PLSCR2: variants seen among roughly 807,000 people sequenced by gnomAD.
PLSCR2 encodes the protein phospholipid scramblase 2, also known as PL scramblase 2.
Under a neutral mutation model 25.3 loss-of-function variants are expected in PLSCR2, and 18 were observed. That is an observed-to-expected ratio of 0.71 (90% CI 0.49 to 1.06). The LOEUF is 1.06. Among genes scored for constraint, PLSCR2 ranks in the 50% least tolerant of loss-of-function variants. The pLI is 0.00. For synonymous variants in PLSCR2, 88 were observed against 87.3 expected (o/e 1.01, Z -0.04); for missense variants, 243 against 269.5 (o/e 0.90, Z 0.69).
At chr3:146,429,293 G>A (rs114879678), downstream of PLSCR2, among the ~76,000 whole-genome samples, 1,026 of 152,302 alleles carry the variant, frequency 6.7e-3, 8 homozygotes, top group South Asian at 0.018. Context: ...ACAAGGGAAA[G>A]TTTGGAACTC....
Position 146,455,438 on chromosome 3 carries a change from C to T in PLSCR2, c.122G>A (p.Ser41Asn), listed in dbSNP as rs772238885. The T allele has an allele frequency of 6.2e-6, 10 of 1,608,272 alleles. No individual in the cohort carries two copies. The East Asian group carries it at 2.0e-4, about 32-fold the overall frequency. The change falls in exon 4 of 7, where the codon AGT becomes AAT. Residue 41 changes from serine to asparagine, a missense_variant. By Grantham distance (46) the Ser-to-Asn change is conservative (BLOSUM62 1). Transcript: ENST00000610787. ...GCTGTTCTTGATTTCATACATGTTACTACTTTCAAAACTGAATAGAACTAA... is the reference window on the plus strand; with the variant it reads ...GCTGTTCTTGATTTCATACATGTTATTACTTTCAAAACTGAATAGAACTAA...
At chr3:146,469,685 G>T in intron 1 of PLSCR2, 124 bp from the exon 1 acceptor site, 1 of 454,282 alleles carries the variant, frequency 2.2e-6, no homozygotes, top group Non-Finnish European at 2.9e-6. Context: ...GACCCCAAGG[G>T]TACAACAAGG....
At chr3:146,460,279 G>A in exon 1 of PLSCR2, 2 of 1,291,358 alleles carry the variant, frequency 1.5e-6, no homozygotes, top group East Asian at 3.0e-5. Context: ...TTTTGAGGGT[G>A]GTTCACTGTG....
chr3:146,454,628 G>T (rs2041092227), intron 4 of PLSCR2, among the ~76,000 whole-genome samples: 1 of 152,102 alleles, frequency 6.6e-6, no homozygotes, highest in African/African-American at 2.4e-5. Context: ...GAACCCTACT[G>T]TCTTCTCTGA....
downstream of PLSCR2, chr3:146,441,758 A>G (rs758098129): frequency 3.3e-6 from 5 of 1,522,142 alleles, no homozygotes; most frequent in South Asian, 3.5e-5. Context: ...GGAGACTTAC[A>G]TTAATCCACT....
chr3:146,444,373 A>G (rs1336536354), intron 6 of PLSCR2, among the ~76,000 whole-genome samples: 1 of 151,094 alleles, frequency 6.6e-6, no homozygotes, highest in African/African-American at 2.4e-5. Flanking sequence ...TGAAGTCTCC[A>G]GCTGTTATTG....
rs530553953 is a variant in PLSCR2, at chr3:146,445,861, T to C, written c.645+3345A>G. On this transcript the variant is annotated intron_variant, in intron 6 of 6. Transcript: ENST00000610787. ...TTATTTTTTATTTTTGTCTCCTCTG[T>C]CTATTTTCAAATATCCTGTCTTTAA... is the stretch of plus-strand genomic sequence containing the variant. 5.3e-5 allele frequency among the ~76,000 whole-genome samples: 8 copies of C among 151,984 alleles called. No homozygotes were observed. The East Asian group carries it at 1.5e-3, about 29-fold the overall frequency.
chr3:146,426,213 C>T (rs984746818), intron 2 of PLSCR2, among the ~76,000 whole-genome samples: 2 of 143,270 alleles, frequency 1.4e-5, no homozygotes, highest in Non-Finnish European at 3.1e-5. Flanking sequence ...TTCCTTCCCT[C>T]CCTCCTTCCC....
chr3:146,408,143 T>G (rs1056088720), intron 2 of PLSCR2, among the ~76,000 whole-genome samples: 2 of 152,182 alleles, frequency 1.3e-5, no homozygotes, highest in African/African-American at 4.8e-5. Flanking sequence ...CTTATCAGCC[T>G]CTTGGACTAG....
chr3:146,486,002 C>T (rs1377791585), intron 1 of PLSCR2, among the ~76,000 whole-genome samples: 1 of 152,016 alleles, frequency 6.6e-6, no homozygotes, highest in African/African-American at 2.4e-5. Context: ...ATGGTCTCTC[C>T]CACAACATGT....
At chr3:146,445,556 G>C (rs1475461529) in intron 6 of PLSCR2, among the ~76,000 whole-genome samples, 1 of 150,712 alleles carries the variant, frequency 6.6e-6, no homozygotes, top group African/African-American at 2.4e-5. Context: ...TTTTTCTCTT[G>C]CTGCTTTTAG....
chr3:146,441,486 G>A (rs1446495108), downstream of PLSCR2, among the ~76,000 whole-genome samples: 1 of 151,688 alleles, frequency 6.6e-6, no homozygotes, highest in East Asian at 1.9e-4. Context: ...TCTTTCAAAG[G>A]AAGTTTTGTA....
chr3:146,450,138 G>A (rs2040812404), intron 5 of PLSCR2, among the ~76,000 whole-genome samples: 1 of 152,164 alleles, frequency 6.6e-6, no homozygotes, highest in South Asian at 2.1e-4. Flanking sequence ...CAGATGGGCA[G>A]GTAGTGGCGG....
chr3:146,495,197 C>A (rs1220763107), intron 1 of PLSCR2, among the ~76,000 whole-genome samples: 1 of 152,104 alleles, frequency 6.6e-6, no homozygotes, highest in Non-Finnish European at 1.5e-5. Flanking sequence ...TTGTTACACT[C>A]CAACTATGGC....
intron 8 of PLSCR2, among the ~76,000 whole-genome samples, chr3:146,436,670 T>C (rs1388894611): frequency 6.6e-6 from 1 of 152,318 alleles, no homozygotes; most frequent in East Asian, 1.9e-4. Context: ...TAAGGGGATT[T>C]TGGGCTGAGA....
intron 1 of PLSCR2, 82 bp downstream of exon 1, chr3:146,469,413 A>G (rs2042015807): frequency 1.1e-6 from 1 of 914,094 alleles, no homozygotes; most frequent in Non-Finnish European, 1.3e-6. Flanking sequence ...ACGCAAACAC[A>G]ATTATGGGGC....
At chr3:146,449,401 TCTAGAAAA>T in intron 5 of PLSCR2, 34 bp from the exon 6 acceptor site, 1 of 1,444,546 alleles carries the variant, frequency 6.9e-7, no homozygotes, top group Non-Finnish European at 9.5e-7. Context: ...CTTAAAAATT[TCTAGAAAA>T]CTTATAGCAA....
chr3:146,420,758 A>T (rs2039121618), intron 2 of PLSCR2, among the ~76,000 whole-genome samples: 1 of 152,136 alleles, frequency 6.6e-6, no homozygotes, highest in African/African-American at 2.4e-5. Flanking sequence ...TATAAAATGG[A>T]TAATTTACCT....
At chr3:146,429,629 A>AT (rs1454881631), downstream of PLSCR2, among the ~76,000 whole-genome samples, 6 of 149,842 alleles carry the variant, frequency 4.0e-5, no homozygotes, top group African/African-American at 1.0e-4. Context: ...GAATTTATTT[A>AT]TTTATTTTTT....
Sources: gnomAD v4.1 joint callset for allele counts (sites outside exome capture counted in the v4.1 genomes callset) on GRCh38, gnomAD v4.1.1 for gene constraint, MANE v1.5 for transcripts, NCBI Gene and HGNC (gene_info 2026-07-23, HGNC 2026-07-21) for gene names.